Variants in PRKCI observed in about 807,000 individuals in gnomAD.
PRKCI encodes protein kinase C iota, also known as protein kinase C iota type.
PRKCI carries 43 observed loss-of-function variants against 84.0 expected under a neutral mutation model. The observed-to-expected ratio is 0.51, with a 90% confidence interval of 0.40 to 0.66. The LOEUF (loss-of-function observed/expected upper bound fraction) is 0.66, where lower values mean the gene tolerates loss of function less well. Among genes scored for constraint, PRKCI ranks in the 30% least tolerant of loss-of-function variants. The probability of loss-of-function intolerance (pLI) is 0.00; values close to 1 mark genes in which losing one functional copy is unlikely to be tolerated. For synonymous variants in PRKCI, 216 were observed against 234.4 expected (o/e 0.92, Z 0.72); for missense variants, 459 against 745.6 (o/e 0.62, Z 4.48).
At chr3:170,232,721 T>A (rs1031460768) in intron 1 of PRKCI, among the ~76,000 whole-genome samples, 54 of 151,982 alleles carry the variant, frequency 3.6e-4, no homozygotes, top group African/African-American at 1.2e-3. Flanking sequence ...TACAAAAAAA[T>A]TTTTTTTAGA....
At chr3:170,267,805 A>ATT in intron 4 of PRKCI, 110 bp from the exon 5 acceptor site, 1 of 652,476 alleles carries the variant, frequency 1.5e-6, no homozygotes, top group South Asian at 2.6e-5. Context: ...TTTTATCAGT[A>ATT]TTTTTTTTTC....
chr3:170,277,428 T>G (rs1734142087), intron 8 of PRKCI, among the ~76,000 whole-genome samples: 1 of 151,952 alleles, frequency 6.6e-6, no homozygotes, highest in South Asian at 2.1e-4. Flanking sequence ...AAAATCAACT[T>G]GGGCGTGATG....
chr3:170,247,775 G>C (rs1733326699), intron 2 of PRKCI, among the ~76,000 whole-genome samples: 1 of 149,346 alleles, frequency 6.7e-6, no homozygotes, highest in African/African-American at 2.5e-5. Flanking sequence ...AGGATGAGCG[G>C]CTTCATGGGA....
chr3:170,273,251 C>G (rs977627742), intron 6 of PRKCI, 35 bp from the exon 7 acceptor site: 1 of 1,568,578 alleles, frequency 6.4e-7, no homozygotes, highest in Non-Finnish European at 8.8e-7. Flanking sequence ...TAGAGGTACT[C>G]CACTGAGTTA....
intron 17 of PRKCI, among the ~76,000 whole-genome samples, chr3:170,301,575 G>A (rs893490993): frequency 6.6e-6 from 1 of 152,028 alleles, no homozygotes; most frequent in Non-Finnish European, 1.5e-5. Context: ...CCAGATGTCA[G>A]TGATTGTGGA....
At chr3:170,253,071 A>C (rs1733493999) in intron 2 of PRKCI, among the ~76,000 whole-genome samples, 1 of 152,254 alleles carries the variant, frequency 6.6e-6, no homozygotes, top group African/African-American at 2.4e-5. Flanking sequence ...TTTGTGGCTG[A>C]ATAGTACTCC....
intron 2 of PRKCI, among the ~76,000 whole-genome samples, chr3:170,251,981 C>T (rs1339135009): frequency 2.0e-5 from 3 of 151,478 alleles, no homozygotes; most frequent in Non-Finnish European, 4.4e-5. Flanking sequence ...TTTGGGAGGC[C>T]GAGGTGGGTG....
intron 2 of PRKCI, among the ~76,000 whole-genome samples, chr3:170,249,228 T>G (rs1733372153): frequency 6.6e-6 from 1 of 152,118 alleles, no homozygotes; most frequent in Admixed American, 6.5e-5. Flanking sequence ...GAAATCACAG[T>G]TTGCTATGTA....
At chr3:170,256,034 T>C (rs1475738101) in intron 2 of PRKCI, among the ~76,000 whole-genome samples, 2 of 152,224 alleles carry the variant, frequency 1.3e-5, no homozygotes, top group African/African-American at 2.4e-5. Context: ...CAAATTCCAG[T>C]TGGTCATGAT....
rs537691162 is a variant in PRKCI, at chr3:170,269,764, C to T, written c.451-657C>T. 3.0e-4 allele frequency among the ~76,000 whole-genome samples: 46 copies of T among 152,162 alleles called. 2 individuals are homozygous for T. The South Asian group carries it at 3.7e-3, about 12-fold the overall frequency. On this transcript the variant is annotated intron_variant, in intron 5 of 17. Coordinates refer to ENST00000295797, the MANE Select transcript of PRKCI (RefSeq NM_002740.6). ...CTGAGGTCCAGGAGTTTGAGACCAG[C>T]CTGACCAACATGGTGAAACCCCATC...
Position 170,297,379 on chromosome 3 carries a change from G to A in PRKCI, c.1573G>A (p.Val525Ile), listed in dbSNP as rs2108867532. The A allele has an allele frequency of 6.2e-7, 1 of 1,611,800 alleles. No individual in the cohort carries two copies. Among genetic ancestry groups the A allele is most frequent in the Non-Finnish European group, 8.5e-7 (1 of 1,178,378 alleles). Residue 525 changes from valine to isoleucine, a missense_variant, in exon 16 of 18, where the codon GTT (valine) becomes ATT (isoleucine). Coordinates refer to ENST00000295797, the MANE Select transcript of PRKCI (RefSeq NM_002740.6). Reference sequence around the variant, plus strand: ...TCAGGGACACCCGTTCTTCCGAAATGTTGATTGGGATATGGTATGTAAATT... The same window carrying A: ...TCAGGGACACCCGTTCTTCCGAAATATTGATTGGGATATGGTATGTAAATT... ...DIQGHPFFRN[V>I]DWDMMEQKQV...
At chr3:170,271,322 C>T (rs915418521) in intron 6 of PRKCI, among the ~76,000 whole-genome samples, 1 of 152,174 alleles carries the variant, frequency 6.6e-6, no homozygotes, top group African/African-American at 2.4e-5. Flanking sequence ...CACTTAACTT[C>T]CCCTTGCCCT....
chr3:170,291,990 T>C (rs771117685), intron 13 of PRKCI, 49 bp downstream of exon 13: 1 of 1,277,880 alleles, frequency 7.8e-7, no homozygotes, highest in African/African-American at 1.5e-5. Context: ...AGATGGGTGG[T>C]AAAATGTGGT....
intron 2 of PRKCI, among the ~76,000 whole-genome samples, chr3:170,238,626 CTG>C (rs1303636162): frequency 7.1e-4 from 103 of 145,528 alleles, no homozygotes; most frequent in South Asian, 6.5e-3. Flanking sequence ...CAGTCTCACT[CTG>C]TTGCCCAGGC....
chr3:170,252,831 TACTC>T (rs957332774), intron 2 of PRKCI, among the ~76,000 whole-genome samples: 8 of 152,260 alleles, frequency 5.3e-5, no homozygotes, highest in African/African-American at 1.9e-4. Flanking sequence ...TACTAGATCT[TACTC>T]ATTCTGTGTG....
chr3:170,247,755 A>G (rs1428498682), intron 2 of PRKCI, among the ~76,000 whole-genome samples: 1 of 150,832 alleles, frequency 6.6e-6, no homozygotes, highest in Non-Finnish European at 1.5e-5. Context: ...AAAAAAAAAA[A>G]AAAAAGTTGA....
intron 8 of PRKCI, among the ~76,000 whole-genome samples, chr3:170,279,135 C>T (rs947384597): frequency 2.0e-5 from 3 of 152,186 alleles, no homozygotes; most frequent in Admixed American, 1.3e-4. Context: ...TCAGGTGATC[C>T]TCCCACCTCA....
At position 170,275,253 on chromosome 3, in the gene PRKCI, A is replaced by G. The variant is rs754218167; in HGVS notation, c.671A>G (p.His224Arg). ...QTVIPYNPSSHESLDQVGEEK... is the reference protein window; with the variant it reads ...QTVIPYNPSSRESLDQVGEEK... ...GTAATTCCATATAATCCTTCAAGTC[A>G]TGAGAGTTTGGATCAAGTTGGTGAA... Residue 224 changes from histidine (H) to arginine (R), a missense_variant, in exon 8 of 18, where the codon CAT becomes CGT. This residue lies in a region of PRKCI where 250 missense variants were observed against 319.7 expected (regional missense o/e 0.78). Transcript: ENST00000295797. The G allele has an allele frequency of 5.7e-6, 9 of 1,585,740 alleles. No individual in the cohort carries two copies. The highest frequency in any genetic ancestry group is 1.8e-5 in the Admixed American group (1 of 55,846).
At chr3:170,227,356 G>A (rs967906069) in intron 1 of PRKCI, among the ~76,000 whole-genome samples, 1 of 152,222 alleles carries the variant, frequency 6.6e-6, no homozygotes, top group Non-Finnish European at 1.5e-5. Flanking sequence ...AGGTAGGTAA[G>A]GCTCTGCCTT....
Sources: gnomAD v4.1 joint callset for allele counts (sites outside exome capture counted in the v4.1 genomes callset) on GRCh38, gnomAD v4.1.1 for gene constraint, gnomAD v4.1.1 regional missense constraint, MANE v1.5 for transcripts, NCBI Gene and HGNC (gene_info 2026-07-23, HGNC 2026-07-21) for gene names.